Variants in RANBP17 observed in about 807,000 individuals in gnomAD.
RANBP17 encodes RAN binding protein 17, also known as ran-binding protein 17.
RANBP17 carries 158 observed loss-of-function variants against 141.2 expected under a neutral mutation model. The observed-to-expected ratio is 1.12, with a 90% CI of 0.98 to 1.28. The LOEUF is 1.28. RANBP17 is among the 50% of genes most tolerant of loss of function. The pLI is 0.00. For synonymous variants in RANBP17, 430 were observed against 450.0 expected, an observed-to-expected ratio of 0.96 and a Z score of 0.56; for missense variants, 1,438 against 1,290.7, an observed-to-expected ratio of 1.11 and a Z score of -1.75.
intron 10 of RANBP17, 133 bp from the exon 11 acceptor site, chr5:170,919,308 A>G (rs564048334): frequency 1.4e-5 from 8 of 583,286 alleles, no homozygotes; most frequent in East Asian, 9.5e-5. Flanking sequence ...TAAATTTGCT[A>G]TATTATGTGT....
At chr5:171,040,358 C>G (rs1438680455) in intron 14 of RANBP17, among the ~76,000 whole-genome samples, 2 of 152,116 alleles carry the variant, frequency 1.3e-5, no homozygotes, top group Non-Finnish European at 2.9e-5. Flanking sequence ...CAGGGACTTT[C>G]TTAAATAATT....
intron 14 of RANBP17, among the ~76,000 whole-genome samples, chr5:171,053,880 TATATATATA>T (rs1478288936): frequency 3.3e-4 from 1 of 3,032 alleles, no homozygotes; most frequent in Non-Finnish European, 6.6e-4. Flanking sequence ...GTTTAGTTCA[TATATATATA>T]TATATATATA....
At chr5:170,992,010 A>G (rs1478612289) in intron 14 of RANBP17, among the ~76,000 whole-genome samples, 2 of 151,984 alleles carry the variant, frequency 1.3e-5, no homozygotes, top group East Asian at 1.9e-4. Flanking sequence ...GTGATTATAC[A>G]TGTTGTTTCC....
At chr5:171,160,101 A>T (rs971930490) in intron 14 of RANBP17, among the ~76,000 whole-genome samples, 1 of 152,128 alleles carries the variant, frequency 6.6e-6, no homozygotes, top group Non-Finnish European at 1.5e-5. Flanking sequence ...AAAAATGAGG[A>T]TGAAAGCTTT....
At chr5:170,896,185 T>C (rs957928379) in intron 5 of RANBP17, 70 bp downstream of exon 5, 160 of 1,106,566 alleles carry the variant, frequency 1.4e-4, no homozygotes, top group African/African-American at 8.4e-4. Context: ...TCTGCTTTTA[T>C]TTGTGGCAAA....
At chr5:171,071,303 G>A (rs1004209326) in intron 14 of RANBP17, among the ~76,000 whole-genome samples, 1 of 151,986 alleles carries the variant, frequency 6.6e-6, no homozygotes, top group Non-Finnish European at 1.5e-5. Flanking sequence ...TATATATTCA[G>A]TGTAATCATG....
intron 1 of RANBP17, among the ~76,000 whole-genome samples, chr5:170,863,960 T>A (rs985486416): frequency 6.6e-6 from 1 of 152,222 alleles, no homozygotes; most frequent in African/African-American, 2.4e-5. Context: ...ATTTCTCCGT[T>A]TGAATTCTTT....
At chr5:171,025,071 A>G (rs1336148026) in intron 14 of RANBP17, among the ~76,000 whole-genome samples, 2 of 152,218 alleles carry the variant, frequency 1.3e-5, no homozygotes, top group African/African-American at 2.4e-5. Flanking sequence ...CAGTGTAACC[A>G]ATCAGTCATT....
chr5:171,098,436 T>C (rs1786863060), intron 14 of RANBP17, among the ~76,000 whole-genome samples: 1 of 152,208 alleles, frequency 6.6e-6, no homozygotes, highest in African/African-American at 2.4e-5. Flanking sequence ...AAATTTCTTC[T>C]TTTGAGAAGT....
At chr5:171,004,234 G>A (rs4868057) in intron 14 of RANBP17, among the ~76,000 whole-genome samples, 89,974 of 151,606 alleles carry the variant, frequency 0.59, 28,672 homozygotes, top group South Asian at 0.88. Context: ...CCATACTTGC[G>A]GGTTAAGGTA....
intron 24 of RANBP17, among the ~76,000 whole-genome samples, chr5:171,245,826 C>T (rs1765177660): frequency 6.6e-6 from 1 of 151,944 alleles, no homozygotes; most frequent in Non-Finnish European, 1.5e-5. Context: ...AATTATTTGG[C>T]CTATTGCTTT....
intron 24 of RANBP17, among the ~76,000 whole-genome samples, chr5:171,259,414 C>CT (rs1766137280): frequency 6.6e-6 from 1 of 152,164 alleles, no homozygotes; most frequent in Admixed American, 6.5e-5. Flanking sequence ...GACTGCCTCA[C>CT]TCAAATGTTT....
intron 14 of RANBP17, among the ~76,000 whole-genome samples, chr5:171,121,221 G>A (rs1281860503): frequency 6.6e-6 from 1 of 152,230 alleles, no homozygotes; most frequent in Non-Finnish European, 1.5e-5. Context: ...TGTCCTGGGG[G>A]TGTGCTTGCC....
At chr5:170,883,802 G>A (rs545543384) in intron 3 of RANBP17, among the ~76,000 whole-genome samples, 3 of 151,982 alleles carry the variant, frequency 2.0e-5, no homozygotes, top group South Asian at 2.1e-4. Flanking sequence ...TCTTTTTAGC[G>A]CTGAATAATT....
At chr5:171,092,461 A>G (rs930865898) in intron 14 of RANBP17, among the ~76,000 whole-genome samples, 1 of 152,210 alleles carries the variant, frequency 6.6e-6, no homozygotes, top group Non-Finnish European at 1.5e-5. Context: ...TAGTGTCAGC[A>G]TAATATACTA....
intron 14 of RANBP17, among the ~76,000 whole-genome samples, chr5:171,053,904 TATATATATATATATATATATA>T (rs1561596497): frequency 7.3e-5 from 10 of 137,696 alleles, no homozygotes; most frequent in Admixed American, 2.2e-4. Context: ...TATATATATA[TATATATATATATATATATATA>T]ATTGCTGTAT....
At chr5:171,184,761 C>T (rs1273300692) in intron 18 of RANBP17, among the ~76,000 whole-genome samples, 2 of 152,106 alleles carry the variant, frequency 1.3e-5, no homozygotes, top group East Asian at 3.9e-4. Flanking sequence ...TAAAGCAAGT[C>T]ACACCGTTTT....
rs139523458 is a variant in RANBP17, at chr5:170,994,882, A to G, written c.1710+26505A>G. ...TGGATTTATTCTAAAGGGATAGTAT[A>G]CCTATAATTTAAACTTAAATCTAGA... On this transcript the variant is annotated intron_variant, in intron 14 of 27. Coordinates refer to ENST00000523189, the MANE Select transcript of RANBP17 (RefSeq NM_022897.5). 9.3e-3 allele frequency among the ~76,000 whole-genome samples: 1,415 copies of G among 152,224 alleles called. 13 individuals carry two copies. Among genetic ancestry groups the G allele is most frequent in the Non-Finnish European group, 0.013 (907 of 67,956 alleles).
chr5:170,994,789 C>A (rs147175136), intron 14 of RANBP17, among the ~76,000 whole-genome samples: 1 of 152,010 alleles, frequency 6.6e-6, no homozygotes, highest in Non-Finnish European at 1.5e-5. Context: ...AAATTATCAA[C>A]GAGTTTAAGC....
Sources: gnomAD v4.1 joint callset for allele counts (sites outside exome capture counted in the v4.1 genomes callset) on GRCh38, gnomAD v4.1.1 for gene constraint, MANE v1.5 for transcripts, NCBI Gene and HGNC (gene_info 2026-07-23, HGNC 2026-07-21) for gene names.